The following PACRG variants were observed in gnomAD, a reference collection of about 807,000 sequenced individuals.
PACRG encodes the protein parkin coregulated gene protein.
A neutral mutation model predicts 29.7 loss-of-function variants in PACRG; 29 were observed. That is an observed-to-expected ratio of 0.98 (90% confidence interval 0.73 to 1.33). The LOEUF (loss-of-function observed/expected upper bound fraction) is 1.33, where lower values mean the gene tolerates loss of function less well. PACRG is among the 40% of genes most tolerant of loss of function. The pLI is 0.00. For missense variants in PACRG, 279 were observed against 316.2 expected (o/e 0.88, Z 0.89); for synonymous variants, 116 against 118.7 (o/e 0.98, Z 0.15).
At chr6:162,883,021 C>T (rs1237821967) in intron 2 of PACRG, among the ~76,000 whole-genome samples, 5 of 152,186 alleles carry the variant, frequency 3.3e-5, no homozygotes, top group African/African-American at 1.2e-4. Flanking sequence ...CCTCGAGTTC[C>T]ACTCCCTGTT....
rs1791136383 is a variant in PACRG, at chr6:162,853,870, G to A, written c.291+39589G>A. Among the ~76,000 whole-genome samples the A allele has an allele frequency of 6.6e-6, 1 of 152,118 alleles. No homozygotes were observed. The highest frequency in any genetic ancestry group is 2.4e-5 in the African/African-American group (1 of 41,412). On this transcript the variant is annotated intron_variant, in intron 2 of 4. Transcript: ENST00000366888. This position sits in a 1 kb window ranked among gnomAD's most constrained non-coding sequence, Gnocchi z 4.7. ...ATCTATGTATCTACCTCATAGGGTT[G>A]TCATTTATTATAAAGATGAAATAAG...
chr6:163,247,530 G>A (rs1487047957), intron 4 of PACRG, among the ~76,000 whole-genome samples: 1 of 152,140 alleles, frequency 6.6e-6, no homozygotes, highest in Non-Finnish European at 1.5e-5. Flanking sequence ...TCAGGAGTTG[G>A]TATTGAGCAG....
chr6:163,061,720 C>A (rs1486459945), intron 2 of PACRG, among the ~76,000 whole-genome samples: 1 of 152,206 alleles, frequency 6.6e-6, no homozygotes, highest in Non-Finnish European at 1.5e-5. Flanking sequence ...ACATGCACTT[C>A]TGTAGCTTTC....
intron 2 of PACRG, among the ~76,000 whole-genome samples, chr6:162,905,090 G>C (rs943490509): frequency 1.3e-5 from 2 of 152,172 alleles, no homozygotes; most frequent in African/African-American, 4.8e-5. Context: ...AAAGCCTCCT[G>C]GTCCCCTGTA....
At chr6:163,086,858 T>C (rs1044604456) in intron 3 of PACRG, among the ~76,000 whole-genome samples, 2 of 152,126 alleles carry the variant, frequency 1.3e-5, no homozygotes, top group African/African-American at 4.8e-5. Flanking sequence ...TTTGCAGCTA[T>C]TTCCTCTGGA....
intron 2 of PACRG, among the ~76,000 whole-genome samples, chr6:162,941,162 A>T (rs1418439758): frequency 6.6e-6 from 1 of 152,078 alleles, no homozygotes. Context: ...CTCTAATATT[A>T]AAGAGAAACT....
intron 4 of PACRG, among the ~76,000 whole-genome samples, chr6:163,259,859 C>T (rs1342418559): frequency 6.6e-6 from 1 of 152,192 alleles, no homozygotes; most frequent in African/African-American, 2.4e-5. Context: ...CCGCTCCACC[C>T]CCAGAGGCTG....
chr6:163,254,326 G>A (rs775270252), intron 4 of PACRG, among the ~76,000 whole-genome samples: 4 of 152,108 alleles, frequency 2.6e-5, no homozygotes, highest in Admixed American at 1.3e-4. Flanking sequence ...AGGGGGAGGA[G>A]GATGGGAGGG....
intron 4 of PACRG, among the ~76,000 whole-genome samples, chr6:163,209,018 C>G (rs1179275294): frequency 2.0e-5 from 3 of 152,094 alleles, no homozygotes; most frequent in Non-Finnish European, 4.4e-5. Context: ...TGAGCAGCTA[C>G]AAATAGAAGC....
chr6:162,834,464 G>T (rs1053938479), intron 2 of PACRG, among the ~76,000 whole-genome samples: 2 of 151,956 alleles, frequency 1.3e-5, no homozygotes, highest in African/African-American at 4.8e-5. Flanking sequence ...TTAGCTACAT[G>T]CCATTTCCCA....
chr6:162,854,534 T>A (rs1255638584), intron 2 of PACRG, among the ~76,000 whole-genome samples: 1 of 152,216 alleles, frequency 6.6e-6, no homozygotes, highest in Non-Finnish European at 1.5e-5. Context: ...CCTACATTAT[T>A]ATTATTATTT....
At chr6:162,949,438 T>C (rs576268047) in intron 2 of PACRG, among the ~76,000 whole-genome samples, 2 of 152,264 alleles carry the variant, frequency 1.3e-5, no homozygotes, top group African/African-American at 2.4e-5. Flanking sequence ...TAATGTTCAA[T>C]AGCAGAGTAG....
intron 2 of PACRG, among the ~76,000 whole-genome samples, chr6:162,947,436 TAA>T (rs1491229053): frequency 1.0e-4 from 6 of 59,910 alleles, no homozygotes; most frequent in Admixed American, 4.7e-4. Context: ...ATCATATATA[TAA>T]AATATATATA....
intron 2 of PACRG, among the ~76,000 whole-genome samples, chr6:162,917,240 T>G (rs565676762): frequency 3.0e-4 from 45 of 152,168 alleles, no homozygotes; most frequent in Admixed American, 2.0e-3. Flanking sequence ...AATTCTGAAA[T>G]AATGCAAGTG....
At chr6:163,011,721 A>G (rs1294553990) in intron 2 of PACRG, among the ~76,000 whole-genome samples, 1 of 152,198 alleles carries the variant, frequency 6.6e-6, no homozygotes, top group Admixed American at 6.5e-5. Flanking sequence ...ACAGCTTAAA[A>G]CACAAACACA....
chr6:163,228,436 G>A (rs915053109), intron 4 of PACRG, among the ~76,000 whole-genome samples: 1 of 149,496 alleles, frequency 6.7e-6, no homozygotes, highest in Non-Finnish European at 1.5e-5. Flanking sequence ...AGAGTACCTG[G>A]CACACAGCGG....
chr6:163,132,156 A>G (rs1316752078), intron 4 of PACRG, among the ~76,000 whole-genome samples: 2 of 152,196 alleles, frequency 1.3e-5, no homozygotes, highest in East Asian at 1.9e-4. Context: ...AATAAGATTT[A>G]TTTTATTTAA....
chr6:163,206,374 C>G (rs1200387722), intron 4 of PACRG, among the ~76,000 whole-genome samples: 1 of 152,166 alleles, frequency 6.6e-6, no homozygotes, highest in Admixed American at 6.5e-5. Context: ...GAATACTATG[C>G]AGCCATGAAA....
At position 163,065,005 on chromosome 6, in the gene PACRG, G is replaced by A. The variant is rs1172407899; in HGVS notation, c.463+2684G>A. On this transcript the variant is annotated intron_variant, in intron 3 of 4. Coordinates refer to ENST00000366888, the MANE Select transcript of PACRG (RefSeq NM_001080379.2). ...CTGGAATGAGAAATTGACACATTTA[G>A]TGGCTCTGGGGTTTCTAATATGATA... Among the ~76,000 whole-genome samples the A allele has an allele frequency of 2.6e-5, 4 of 152,160 alleles. No homozygotes were observed. The East Asian group carries it at 7.7e-4, about 29-fold the overall frequency.
Sources: allele counts gnomAD v4.1 joint callset (sites outside exome capture counted in the v4.1 genomes callset), GRCh38; gene constraint gnomAD v4.1.1; non-coding constraint Gnocchi (gnomAD v3.1); transcripts MANE v1.5; gene names NCBI Gene and HGNC (gene_info 2026-07-23, HGNC 2026-07-21).